PRKDC: variants seen among roughly 807,000 people sequenced by gnomAD.
PRKDC encodes DNA-dependent protein kinase catalytic subunit.
Under a neutral mutation model 486.9 loss-of-function variants are expected in PRKDC, and 82 were observed. The observed-to-expected ratio is 0.17, with a 90% CI of 0.14 to 0.20. The LOEUF (loss-of-function observed/expected upper bound fraction) is 0.20, where lower values mean the gene tolerates loss of function less well. Ranked by LOEUF, PRKDC falls within the 10% of genes least tolerant of loss-of-function variation. The probability of loss-of-function intolerance (pLI) is 1.00; values close to 1 mark genes in which losing one functional copy is unlikely to be tolerated. For synonymous variants in PRKDC, 1,895 were observed against 1,837.0 expected (o/e 1.03, Z -0.81); for missense variants, 4,504 against 5,038.2 (o/e 0.89, Z 3.21).
At chr8:47,841,627 C>T (rs567230412) in intron 54 of PRKDC, among the ~76,000 whole-genome samples, 1 of 152,334 alleles carries the variant, frequency 6.6e-6, no homozygotes. Context: ...GAGCTGAGAT[C>T]TGTGGCCAGA....
intron 84 of PRKDC, 65 bp downstream of exon 84, chr8:47,777,617 CGAGA>C (rs2086628264): frequency 7.0e-7 from 1 of 1,420,610 alleles, no homozygotes; most frequent in Admixed American, 2.2e-5. Context: ...CCATCATACA[CGAGA>C]GATACCAGCT....
rs1420594433 is a variant in PRKDC, at chr8:47,839,243, A to T, written c.7458T>A (p.Asp2486Glu). ...AGTCATTATCTGTCTCACTTTCTGG[A>T]TCTCTGCTTGAGAAAACAGCAAAAT... is the stretch of plus-strand genomic sequence containing the variant. ...ILMWIHDNYR[D>E]PESETDNDSQ... The change falls in exon 56 of 86, where the codon GAT (aspartate) becomes GAA (glutamate). Residue 2486 changes from aspartate to glutamate, a missense_variant. By Grantham distance (45) the Asp-to-Glu change is conservative (BLOSUM62 2). Coordinates refer to ENST00000314191, the MANE Select transcript of PRKDC (RefSeq NM_006904.7). 1 of 1,611,496 alleles carries T rather than the reference A, an allele frequency of 6.2e-7. No individual in the cohort carries two copies. The highest frequency in any genetic ancestry group is 1.7e-5 in the Admixed American group (1 of 59,940).
In PRKDC at chr8:47,912,529, T is replaced by C. The variant is rs1416883354; in HGVS notation, c.2815A>G (p.Met939Val). 1.4e-5 allele frequency: 23 copies of C among 1,612,574 alleles called. No individual in the cohort carries two copies. The highest frequency in any genetic ancestry group is 3.3e-4 in the Middle Eastern group (2 of 6,082). The change falls in exon 25 of 86, where the codon ATG becomes GTG. Residue 939 changes from methionine (M) to valine (V), a missense_variant. Met to Val is a conservative substitution (Grantham distance 21). This residue lies in a region of PRKDC where 1,969 missense variants were observed against 2,068.9 expected (regional missense o/e 0.95). Transcript: ENST00000314191. Reference protein sequence around the residue: ...AACELLHSMVMFMLGKATQMP... With the variant: ...AACELLHSMVVFMLGKATQMP... ...TGCGTGGCTTTGCCCAACATAAACA[T>C]AACCATGCTATGTAAAAGTTCACAG...
Position 47,796,747 on chromosome 8 carries a change from T to G in PRKDC, c.10458+1490A>C, listed in dbSNP as rs182961254. ...CCCGAGTAGCTGGGTTTACAGGTGC[T>G]CGCCACCACGCCCGGCTAATTTTTG... On this transcript the variant is annotated intron_variant, in intron 73 of 85. Coordinates refer to ENST00000314191, the MANE Select transcript of PRKDC (RefSeq NM_006904.7). Among the ~76,000 whole-genome samples the G allele has an allele frequency of 3.5e-3, 524 of 151,282 alleles. 7 individuals carry two copies. Among genetic ancestry groups the G allele is most frequent in the African/African-American group, 0.012 (496 of 40,982 alleles).
chr8:47,900,330 C>G (rs1286979707), intron 28 of PRKDC, 43 bp downstream of exon 28: 6 of 1,467,158 alleles, frequency 4.1e-6, no homozygotes, highest in Admixed American at 4.5e-5. Context: ...TGGGGAAACT[C>G]TTCAGACCTG....
At position 47,953,923 on chromosome 8, in the gene PRKDC, A is replaced by T. The variant is rs200774352; in HGVS notation, c.509-4T>A. ...AGCTCATATACTTTTTCTAAAACTGAAAAGAAAATTTTAGACAAGTGAAGG... is the reference window on the plus strand; with the variant it reads ...AGCTCATATACTTTTTCTAAAACTGTAAAGAAAATTTTAGACAAGTGAAGG... On this transcript the variant is annotated splice_polypyrimidine_tract_variant and splice_region_variant and intron_variant, in intron 5 of 85. Coordinates refer to ENST00000314191, the MANE Select transcript of PRKDC (RefSeq NM_006904.7). 3.5e-4 allele frequency: 525 copies of T among 1,512,106 alleles called. 5 individuals are homozygous for T. The highest frequency in any genetic ancestry group is 1.1e-3 in the South Asian group (88 of 77,922). The allele number at this position is 1,512,106 out of a possible 1,614,324, so 93.7% of individuals were successfully genotyped here. A position where few individuals can be genotyped will look rare whatever the true frequency, so the allele number is the denominator to read the frequency against.
In PRKDC at chr8:47,879,547, TG is replaced by T; in HGVS notation, c.5178del (p.Arg1727GlyfsTer17). 1 of 1,597,854 alleles carries T rather than the reference TG, an allele frequency of 6.3e-7. No homozygotes were observed. The highest frequency in any genetic ancestry group is 8.5e-7 in the Non-Finnish European group (1 of 1,171,798). ...CGCGGAGTTCCTGGAGGAAATTCCC[TG>T]GACTGCATGGGGAAGTGAGCAACGA... The part of the protein sequence containing the change: ...QLIVAHFPMQ[S>X]REFPPGTPRF... On this transcript the variant is annotated frameshift_variant, in exon 39 of 86. Transcript: ENST00000314191. LOFTEE classifies it high-confidence loss of function.
Position 47,930,708 on chromosome 8 carries a change from T to G in PRKDC, c.1856A>C (p.Asp619Ala). The change falls in exon 17 of 86, where the codon GAT (aspartate) becomes GCT (alanine). Residue 619 changes from aspartate to alanine, a missense_variant. Physicochemically the swap from Asp to Ala is moderately radical, Grantham distance 126 (BLOSUM62 -2). Around this residue, in one of 6 missense-constraint regions of PRKDC, gnomAD observed 1,969 missense variants for 2,068.9 expected, o/e 0.95. Coordinates refer to ENST00000314191, the MANE Select transcript of PRKDC (RefSeq NM_006904.7). The part of the protein sequence containing the change: ...AANLHPAKPK[D>A]FSAFINLVEF... ...CACCAGGTTAATGAAAGCCGAAAAA[T>G]CTTTAGGTTTAGCTGGATGCAAGTT... 1 of 1,585,702 alleles carries G rather than the reference T, an allele frequency of 6.3e-7. No homozygotes were observed. The highest frequency in any genetic ancestry group is 8.6e-7 in the Non-Finnish European group (1 of 1,165,362).
At chr8:47,807,408 C>A (rs1005383518) in intron 68 of PRKDC, 82 bp from the exon 69 acceptor site, 15 of 1,230,438 alleles carry the variant, frequency 1.2e-5, no homozygotes, top group African/African-American at 4.6e-5. Flanking sequence ...AAATTCTAAA[C>A]CTTAGTAAAT....
At chr8:47,939,963 A>AC in intron 10 of PRKDC, 1 of 231,264 alleles carries the variant, frequency 4.3e-6, no homozygotes, top group Non-Finnish European at 8.3e-6. Context: ...AAAAAAAAAA[A>AC]AAAAAAACCA....
chr8:47,936,773 C>T (rs951941913), intron 11 of PRKDC, among the ~76,000 whole-genome samples: 8 of 149,762 alleles, frequency 5.3e-5, no homozygotes, highest in Admixed American at 1.3e-4. Context: ...TGTGCCACCA[C>T]GCCTGGCTAT....
rs1468655389 is a variant in PRKDC, at chr8:47,953,671, G to T, written c.670C>A (p.Leu224Met). 6.2e-7 allele frequency: 1 copy of T among 1,613,492 alleles called. No individual in the cohort carries two copies. The highest frequency in any genetic ancestry group is 1.7e-5 in the Admixed American group (1 of 59,958). ...CACAGAAGTGAGGACAACCCCTTCA[G>T]ACATCCTGCCAGAACAGGTAGTTTG... ...EPKLPVLAGC[L>M]KGLSSLLCNF... Residue 224 changes from leucine (L) to methionine (M), a missense_variant, in exon 7 of 86, where the codon CTG becomes ATG. Coordinates refer to ENST00000314191, the MANE Select transcript of PRKDC (RefSeq NM_006904.7).
intron 49 of PRKDC, 91 bp downstream of exon 49, chr8:47,857,065 T>C: frequency 7.5e-7 from 1 of 1,339,032 alleles, no homozygotes; most frequent in Non-Finnish European, 9.9e-7. Flanking sequence ...CATAGCACAG[T>C]CAGTGAGAGG....
At chr8:47,796,401 C>T (rs529191228) in intron 73 of PRKDC, among the ~76,000 whole-genome samples, 1 of 151,796 alleles carries the variant, frequency 6.6e-6, no homozygotes, top group Admixed American at 6.6e-5. Context: ...AAGTGAAAAA[C>T]ACCTAATTTA....
At chr8:47,873,984 A>ATTTTT (rs1200890690) in intron 40 of PRKDC, among the ~76,000 whole-genome samples, 2 of 130,134 alleles carry the variant, frequency 1.5e-5, no homozygotes, top group Admixed American at 7.8e-5. Context: ...GTATTTTGCT[A>ATTTTT]TTTTTTTTTT....
chr8:47,879,834 C>CTTTTTTT (rs759336069), intron 38 of PRKDC, among the ~76,000 whole-genome samples, 176 bp from the exon 39 acceptor site: 9 of 99,202 alleles, frequency 9.1e-5, no homozygotes, highest in Admixed American at 1.4e-4. Context: ...TATACCTCAG[C>CTTTTTTT]TTTTTTTTTT....
Position 47,820,894 on chromosome 8 carries a change from T to G in PRKDC, c.9161A>C (p.Gln3054Pro), listed in dbSNP as rs1327058338. The G allele has an allele frequency of 3.1e-6, 5 of 1,609,142 alleles. No individual in the cohort carries two copies. The East Asian group carries it at 1.1e-4, about 36-fold the overall frequency. ...CAGCAGGGACTGGTCAGCCTCTCCC[T>G]GGAGCAGCAGCTTCAGCTTGCTGCG... ...MIRSKLKLLL[Q>P]GEADQSLLTF... is the part of the protein sequence containing the mutation. Residue 3054 changes from glutamine to proline, a missense_variant, in exon 66 of 86, where the codon CAG (glutamine) becomes CCG (proline). Around this residue, in one of 6 missense-constraint regions of PRKDC, gnomAD observed 1,592 missense variants for 1,724.6 expected, o/e 0.92. Coordinates refer to ENST00000314191, the MANE Select transcript of PRKDC (RefSeq NM_006904.7).
chr8:47,889,464 C>T (rs1057161708), intron 32 of PRKDC, among the ~76,000 whole-genome samples: 1 of 152,236 alleles, frequency 6.6e-6, no homozygotes, highest in African/African-American at 2.4e-5. Context: ...CACAGCCATG[C>T]TCCTATTTAG....
intron 71 of PRKDC, 72 bp from the exon 72 acceptor site, chr8:47,799,462 G>A: frequency 7.4e-7 from 1 of 1,358,880 alleles, no homozygotes; most frequent in Non-Finnish European, 9.7e-7. Context: ...TTCCATTTGT[G>A]ACTCATGACA....
Sources: gnomAD v4.1 joint callset for allele counts (sites outside exome capture counted in the v4.1 genomes callset) on GRCh38, gnomAD v4.1.1 for gene constraint, gnomAD v4.1.1 regional missense constraint, MANE v1.5 for transcripts, NCBI Gene and HGNC (gene_info 2026-07-23, HGNC 2026-07-21) for gene names.